The following DNAJA4 variants were observed in gnomAD, a reference collection of about 807,000 sequenced individuals.
The protein encoded by DNAJA4 is dnaJ homolog subfamily A member 4.
DNAJA4 carries 32 observed loss-of-function variants against 39.7 expected under a neutral mutation model. The observed-to-expected ratio is 0.81, with a 90% CI of 0.61 to 1.08. DNAJA4 has a LOEUF of 1.08. Among genes scored for constraint, DNAJA4 ranks in the 50% least tolerant of loss-of-function variants. The probability of loss-of-function intolerance (pLI) is 0.00; values close to 1 mark genes in which losing one functional copy is unlikely to be tolerated. For synonymous variants in DNAJA4, 184 were observed against 182.4 expected, an observed-to-expected ratio of 1.01 and a Z score of -0.07; for missense variants, 439 against 505.1, an observed-to-expected ratio of 0.87 and a Z score of 1.25.
upstream of DNAJA4, chr15:78,264,294 C>T (rs1016804763): frequency 5.8e-6 from 8 of 1,374,362 alleles, no homozygotes; most frequent in East Asian, 9.2e-5. Flanking sequence ...AGGCCCAAGC[C>T]GCCTTCTCCG....
Position 78,264,628 on chromosome 15 carries a change from G to T in DNAJA4, c.-136G>T. On this transcript the variant is annotated 5_prime_UTR_variant, in exon 1 of 7. Transcript: ENST00000394852. The stretch of plus-strand genomic sequence containing the variant: ...CGGGGGGCGGGCGGGAGCTACAAGC[G>T]GCGGCGGCGGCGGCGACCGTGACCG... The T allele has an allele frequency of 1.0e-6, 1 of 992,640 alleles. No individual in the cohort carries two copies. Among genetic ancestry groups the T allele is most frequent in the East Asian group, 8.6e-5 (1 of 11,686 alleles). The allele number at this position is 992,640 out of a possible 1,614,324, so 61.5% of individuals were successfully genotyped here. A position where few individuals can be genotyped will look rare whatever the true frequency, so the allele number is the denominator to read the frequency against.
upstream of DNAJA4, chr15:78,264,346 CG>C (rs949343921): frequency 4.9e-5 from 71 of 1,446,848 alleles, no homozygotes; most frequent in Non-Finnish European, 6.1e-5. Flanking sequence ...GCTGGAGCTC[CG>C]GGGAATCAGA....
chr15:78,268,054 T>G (rs2049192068), intron 1 of DNAJA4, among the ~76,000 whole-genome samples: 1 of 152,196 alleles, frequency 6.6e-6, no homozygotes, highest in Non-Finnish European at 1.5e-5. Context: ...CCCCATCCCA[T>G]GTGAGATCTG....
chr15:78,273,314 C>A, intron 3 of DNAJA4, 115 bp downstream of exon 3: 3 of 706,824 alleles, frequency 4.2e-6, no homozygotes, highest in Non-Finnish European at 7.3e-6. Context: ...AAGGGTCAAG[C>A]AGAGATTACA....
chr15:78,275,374 T>C (rs1040613069), intron 4 of DNAJA4, 124 bp from the exon 5 acceptor site: 10 of 754,024 alleles, frequency 1.3e-5, no homozygotes, highest in Non-Finnish European at 1.9e-5. Context: ...GCCTTGTGCC[T>C]GCATGAGGTT....
intron 2 of DNAJA4, among the ~76,000 whole-genome samples, chr15:78,272,883 G>A (rs1177229325): frequency 6.6e-6 from 1 of 152,190 alleles, no homozygotes; most frequent in African/African-American, 2.4e-5. Context: ...TTAGCTCATA[G>A]CTAGAGAGGG....
At chr15:78,275,763 G>A (rs1286980683) in intron 5 of DNAJA4, 35 bp downstream of exon 5, 6 of 1,464,142 alleles carry the variant, frequency 4.1e-6, no homozygotes, top group South Asian at 1.2e-5. Context: ...TTGATGTTCT[G>A]TATGTTTGGC....
intron 5 of DNAJA4, among the ~76,000 whole-genome samples, chr15:78,278,859 C>CG (rs61289918): frequency 0.035 from 4,089 of 116,434 alleles, 92 homozygotes; most frequent in Middle Eastern, 0.11. Flanking sequence ...TTAGTAGAGA[C>CG]GGGGTTTCAC....
rs187997663 is a variant in DNAJA4 at position 78,279,050 on chromosome 15, C to T, written c.878-995C>T. 13 of 152,298 alleles carry T rather than the reference C, an allele frequency of 8.5e-5. No homozygotes were observed. Among genetic ancestry groups the T allele is most frequent in the African/African-American group, 2.4e-4 (10 of 41,544 alleles). The allele number at this position is 152,298 out of a possible 1,614,324, so 9.4% of individuals were successfully genotyped here. A position where few individuals can be genotyped will look rare whatever the true frequency, so the allele number is the denominator to read the frequency against. On this transcript the variant is annotated intron_variant, in intron 5 of 6. Coordinates refer to ENST00000394852, the MANE Select transcript of DNAJA4 (RefSeq NM_001130182.2). The surrounding 1 kb of genome is among the most constrained non-coding windows in gnomAD (Gnocchi z 4.5). ...AGCAGTTTAGCTAAGGGGTTGCTGT[C>T]CTGCACAGTCAGTAGGCTCTGAAGG...
rs774123674 is a variant in DNAJA4, at chr15:78,264,717, T to G, written c.-47T>G. ...GCGGGCCAGGGTGCCGGCAGGGGCGTCCGGGGCGCTCTGACCGGCCTCGCC... is the reference window on the plus strand; with the variant it reads ...GCGGGCCAGGGTGCCGGCAGGGGCGGCCGGGGCGCTCTGACCGGCCTCGCC... On this transcript the variant is annotated 5_prime_UTR_variant, in exon 1 of 7. Transcript: ENST00000394852. 2.2e-6 allele frequency: 3 copies of G among 1,394,440 alleles called. No homozygotes were observed. The East Asian group carries it at 1.1e-4, about 52-fold the overall frequency. The allele number at this position is 1,394,440 out of a possible 1,614,324, so 86.4% of individuals were successfully genotyped here.
rs558657862 is a variant in DNAJA4 at position 78,272,326 on chromosome 15, ACT to A, written c.314-766_314-765del. Among the ~76,000 whole-genome samples the A allele has an allele frequency of 1.1e-4, 16 of 152,194 alleles. No individual in the cohort carries two copies. The South Asian group carries it at 2.3e-3, about 22-fold the overall frequency. ...CACTCCAGCCTGGGGACAGAGCAAG[ACT>A]CTGTCTCAAAAACAAAACAAAACAA... On this transcript the variant is annotated intron_variant, in intron 2 of 6. Transcript: ENST00000394852.
intron 5 of DNAJA4, among the ~76,000 whole-genome samples, chr15:78,278,787 G>C (rs1473609141): frequency 6.7e-6 from 1 of 150,220 alleles, no homozygotes; most frequent in African/African-American, 2.5e-5. Flanking sequence ...AAGTAGCTGG[G>C]ATTACAGGCA....
rs923973051 is a variant in DNAJA4 at position 78,280,061 on chromosome 15, C to T, written c.894C>T (p.His298=). The change falls in exon 6 of 7, where the codon CAC becomes CAT. Residue 298 remains histidine (H), a synonymous_variant. Coordinates refer to ENST00000394852, the MANE Select transcript of DNAJA4 (RefSeq NM_001130182.2). The part of the protein sequence containing the change: ...ITSKAGEVIK[H]GDLRCVRDEG... Reference sequence around the variant, plus strand: ...CTCTGGCAGGTGAGGTGATAAAGCACGGGGACCTGAGATGCGTGCGCGATG... The same window carrying T: ...CTCTGGCAGGTGAGGTGATAAAGCATGGGGACCTGAGATGCGTGCGCGATG... 2.3e-5 allele frequency: 37 copies of T among 1,614,078 alleles called. No individual in the cohort carries two copies. The highest frequency in any genetic ancestry group is 6.6e-5 in the South Asian group (6 of 91,092).
intron 1 of DNAJA4, among the ~76,000 whole-genome samples, chr15:78,268,793 C>A (rs558270457): frequency 6.6e-6 from 1 of 152,186 alleles, no homozygotes; most frequent in African/African-American, 2.4e-5. Context: ...GTGGACAAAA[C>A]CCCCCATCTT....
In DNAJA4 at chr15:78,264,637, G is replaced by GGCT. The variant is rs1484079271; in HGVS notation, c.-125_-124insTGC. The GGCT allele has an allele frequency of 9.8e-7, 1 of 1,020,878 alleles. No individual in the cohort carries two copies. The highest frequency in any genetic ancestry group is 1.2e-6 in the Non-Finnish European group (1 of 853,882). The allele number at this position is 1,020,878 out of a possible 1,614,324, so 63.2% of individuals were successfully genotyped here. A position where few individuals can be genotyped will look rare whatever the true frequency, so the allele number is the denominator to read the frequency against. On this transcript the variant is annotated 5_prime_UTR_variant, in exon 1 of 7. Coordinates refer to ENST00000394852, the MANE Select transcript of DNAJA4 (RefSeq NM_001130182.2). The stretch of plus-strand genomic sequence containing the variant: ...GGCGGGAGCTACAAGCGGCGGCGGC[G>GGCT]GCGGCGACCGTGACCGTGACGCGCG...
At chr15:78,272,880 A>C (rs1399407462) in intron 2 of DNAJA4, among the ~76,000 whole-genome samples, 1 of 152,232 alleles carries the variant, frequency 6.6e-6, no homozygotes, top group African/African-American at 2.4e-5. Context: ...TAATTAGCTC[A>C]TAGCTAGAGA....
chr15:78,264,266 T>G, upstream of DNAJA4: 1 of 1,271,310 alleles, frequency 7.9e-7, no homozygotes, highest in Non-Finnish European at 1.0e-6. Flanking sequence ...GCGGGACAGT[T>G]GTCGGAGGGC....
chr15:78,274,277 G>C lies in DNAJA4; in HGVS notation c.499G>C (p.Gly167Arg). 1 of 1,614,160 alleles carries C rather than the reference G, an allele frequency of 6.2e-7. No homozygotes were observed. Among genetic ancestry groups the C allele is most frequent in the Non-Finnish European group, 8.5e-7 (1 of 1,180,038 alleles). The stretch of plus-strand genomic sequence containing the variant: ...GATGCAGATCCACATCCAGCAGATC[G>C]GGCCGGGCATGGTACAGCAGATCCA... ...RGMQIHIQQI[G>R]PGMVQQIQTV... The change falls in exon 4 of 7, where the codon GGG becomes CGG. Residue 167 changes from glycine to arginine, a missense_variant. Coordinates refer to ENST00000394852, the MANE Select transcript of DNAJA4 (RefSeq NM_001130182.2).
chr15:78,266,504 G>C (rs1035165837), intron 1 of DNAJA4, among the ~76,000 whole-genome samples: 4 of 152,332 alleles, frequency 2.6e-5, no homozygotes, highest in African/African-American at 7.2e-5. Flanking sequence ...GCCCTTGGCA[G>C]TGAGGTCTGG....
Sources: allele counts gnomAD v4.1 joint callset (sites outside exome capture counted in the v4.1 genomes callset), GRCh38; gene constraint gnomAD v4.1.1; non-coding constraint Gnocchi (gnomAD v3.1); transcripts MANE v1.5; gene names NCBI Gene and HGNC (gene_info 2026-07-23, HGNC 2026-07-21).